FANCC: variants seen among roughly 807,000 people sequenced by gnomAD.
FANCC encodes FA complementation group C.
Under a neutral mutation model 71.3 loss-of-function variants are expected in FANCC, and 55 were observed. The ratio of observed to expected loss-of-function variants is 0.77; its 90% CI spans 0.62 to 0.97. The LOEUF is 0.97. Among genes scored for constraint, FANCC ranks in the 50% least tolerant of loss-of-function variants. The pLI is 0.00. For synonymous variants in FANCC, 275 were observed against 244.9 expected, an observed-to-expected ratio of 1.12 and a Z score of -1.15; for missense variants, 678 against 670.9, an observed-to-expected ratio of 1.01 and a Z score of -0.12.
chr9:95,261,631 C>T (rs777887491), intron 1 of FANCC, among the ~76,000 whole-genome samples: 24 of 152,180 alleles, frequency 1.6e-4, no homozygotes, highest in Non-Finnish European at 2.9e-5. Flanking sequence ...GGAATCAAAA[C>T]AAACCATGAT....
intron 8 of FANCC, 143 bp from the exon 9 acceptor site, chr9:95,126,724 G>A (rs1588107439): frequency 1.2e-6 from 1 of 807,634 alleles, no homozygotes; most frequent in East Asian, 2.7e-5. Context: ...ACGAACCACT[G>A]CTGTACTGAA....
chr9:95,137,831 C>T (rs897018141), intron 7 of FANCC, among the ~76,000 whole-genome samples: 1 of 152,126 alleles, frequency 6.6e-6, no homozygotes, highest in African/African-American at 2.4e-5. Flanking sequence ...CATCAGAGCA[C>T]GAGAAGATAC....
intron 3 of FANCC, 121 bp from the exon 4 acceptor site, chr9:95,240,864 AAT>A (rs1390400787): frequency 1.0e-5 from 7 of 677,722 alleles, no homozygotes; most frequent in African/African-American, 7.3e-5. Flanking sequence ...AGTATCCCTG[AAT>A]ATAACATTTG....
rs60764731 is a variant in FANCC, at chr9:95,222,162, CAAAAAAAAAAAA to C, written c.345+18475_345+18486del. Among the ~76,000 whole-genome samples the C allele has an allele frequency of 9.9e-5, 7 of 70,622 alleles. No individual in the cohort carries two copies. In the South Asian group the frequency reaches 2.7e-3, roughly 27 times the overall value. 46.3% of individuals were successfully genotyped at this position (70,622 alleles called of 152,430 possible). ...TGAGCAGCAGAGCAAGGCCCCATCT[CAAAAAAAAAAAA>C]AAAAAAAAAAAAATTGTTCATAGCA... On this transcript the variant is annotated intron_variant, in intron 4 of 14. Transcript: ENST00000289081.
chr9:95,293,922 T>C, intron 1 of FANCC: 1 of 1,594,454 alleles, frequency 6.3e-7, no homozygotes, highest in Admixed American at 1.7e-5. Flanking sequence ...ATAATGTTGC[T>C]ACAAGTAACA....
At chr9:95,105,826 A>C (rs1225751703) in intron 14 of FANCC, among the ~76,000 whole-genome samples, 1 of 152,220 alleles carries the variant, frequency 6.6e-6, no homozygotes, top group Non-Finnish European at 1.5e-5. Context: ...CTTCAGGCTG[A>C]ACAGTACTCT....
intron 1 of FANCC, among the ~76,000 whole-genome samples, chr9:95,275,663 T>C (rs994111296): frequency 6.6e-6 from 1 of 152,114 alleles, no homozygotes; most frequent in Non-Finnish European, 1.5e-5. Flanking sequence ...CTCTAAAAAA[T>C]AGTCTATTAA....
At chr9:95,311,142 G>A (rs1047474351) in intron 1 of FANCC, among the ~76,000 whole-genome samples, 1 of 150,234 alleles carries the variant, frequency 6.7e-6, no homozygotes, top group Non-Finnish European at 1.5e-5. Flanking sequence ...TACTCAGGAG[G>A]AGAATGGTGT....
intron 6 of FANCC, among the ~76,000 whole-genome samples, chr9:95,170,313 A>C (rs1364871118): frequency 2.0e-5 from 3 of 151,766 alleles, no homozygotes; most frequent in Non-Finnish European, 4.4e-5. Context: ...ATAATTATAT[A>C]GTTTAAGGGT....
chr9:95,224,482 T>C (rs1011438874), intron 4 of FANCC, among the ~76,000 whole-genome samples: 2 of 151,994 alleles, frequency 1.3e-5, no homozygotes, highest in African/African-American at 4.8e-5. Flanking sequence ...TTAACAGTAA[T>C]ACCATCCTTT....
intron 10 of FANCC, 93 bp from the exon 11 acceptor site, chr9:95,117,483 A>ACCCACC (rs2134697119): frequency 2.2e-6 from 2 of 907,842 alleles, no homozygotes; most frequent in South Asian, 2.8e-5. Flanking sequence ...CCCAAAAAAG[A>ACCCACC]CCCACCAGTA....
intron 6 of FANCC, among the ~76,000 whole-genome samples, chr9:95,166,850 C>T (rs117868452): frequency 3.2e-3 from 492 of 152,202 alleles, no homozygotes; most frequent in South Asian, 5.4e-3. Context: ...CTATACAACA[C>T]GGTATTATAA....
At chr9:95,292,603 G>A (rs1054502717) in intron 1 of FANCC, 39 of 1,462,196 alleles carry the variant, frequency 2.7e-5, no homozygotes, top group Non-Finnish European at 3.5e-5. Context: ...ACCGTGCGCG[G>A]CTGCCGCAAG....
chr9:95,114,070 G>C (rs752091455), intron 12 of FANCC: 1 of 186,566 alleles, frequency 5.4e-6, no homozygotes, highest in African/African-American at 2.3e-5. Flanking sequence ...CTGAAAGACA[G>C]AGCAAGACCT....
intron 4 of FANCC, among the ~76,000 whole-genome samples, chr9:95,237,555 T>C (rs1313788485): frequency 1.3e-5 from 2 of 152,382 alleles, no homozygotes; most frequent in African/African-American, 4.8e-5. Context: ...GCCTGCCACA[T>C]GTGGCTGCAG....
chr9:95,220,510 C>T (rs1272034461), intron 4 of FANCC, among the ~76,000 whole-genome samples: 1 of 152,174 alleles, frequency 6.6e-6, no homozygotes, highest in African/African-American at 2.4e-5. Context: ...AAATGTGGCA[C>T]ATATACAGCA....
intron 7 of FANCC, among the ~76,000 whole-genome samples, chr9:95,146,610 A>G (rs1328140279): frequency 6.6e-6 from 1 of 152,146 alleles, no homozygotes; most frequent in African/African-American, 2.4e-5. Flanking sequence ...TTAAAATCAC[A>G]TTGCATGTAT....
intron 8 of FANCC, among the ~76,000 whole-genome samples, chr9:95,133,323 C>T (rs1367307129): frequency 6.6e-6 from 1 of 152,256 alleles, no homozygotes; most frequent in Non-Finnish European, 1.5e-5. Flanking sequence ...AGAGAGGTCA[C>T]ATCCTGCCAA....
chr9:95,263,543 TAG>T (rs1205804845), intron 1 of FANCC, among the ~76,000 whole-genome samples: 1 of 149,784 alleles, frequency 6.7e-6, no homozygotes, highest in African/African-American at 2.4e-5. Flanking sequence ...TATAGATAGA[TAG>T]ATAGATAGAT....
Sources: gnomAD v4.1 joint callset for allele counts (sites outside exome capture counted in the v4.1 genomes callset) on GRCh38, gnomAD v4.1.1 for gene constraint, MANE v1.5 for transcripts, NCBI Gene and HGNC (gene_info 2026-07-23, HGNC 2026-07-21) for gene names.